Variants in RBPMS observed in about 807,000 individuals in gnomAD.
RBPMS encodes RNA binding protein, mRNA processing factor.
A neutral mutation model predicts 26.8 loss-of-function variants in RBPMS; 7 were observed. The observed-to-expected ratio is 0.26, with a 90% CI of 0.15 to 0.49. RBPMS has a LOEUF of 0.49. RBPMS is among the 20% of genes least tolerant of loss of function. The pLI is 0.98. For synonymous variants in RBPMS, 96 were observed against 93.3 expected, an observed-to-expected ratio of 1.03 and a Z score of -0.17; for missense variants, 186 against 250.0, an observed-to-expected ratio of 0.74 and a Z score of 1.73.
At chr8:30,532,863 C>T (rs1824381345) in intron 5 of RBPMS, among the ~76,000 whole-genome samples, 1 of 151,978 alleles carries the variant, frequency 6.6e-6, no homozygotes, top group Non-Finnish European at 1.5e-5. Flanking sequence ...CATTCCGCTA[C>T]CCACTCCCAC....
chr8:30,550,001 T>C (rs1826227149), intron 6 of RBPMS, among the ~76,000 whole-genome samples: 1 of 151,682 alleles, frequency 6.6e-6, no homozygotes, highest in Admixed American at 6.6e-5. Context: ...CAGGCGCCTG[T>C]CACCACGCCT....
chr8:30,544,787 G>C (rs1825733000), intron 6 of RBPMS, 163 bp downstream of exon 6: 1 of 1,580,734 alleles, frequency 6.3e-7, no homozygotes, highest in Non-Finnish European at 8.6e-7. Context: ...CTTCAGGACT[G>C]ACGAGGATCG....
At chr8:30,568,662 A>C (rs1828059701) in intron 8 of RBPMS, among the ~76,000 whole-genome samples, 2 of 152,164 alleles carry the variant, frequency 1.3e-5, no homozygotes, top group Admixed American at 6.5e-5. Context: ...ACCTGCTCCT[A>C]ATCAGAGCCT....
chr8:30,393,391 G>A (rs1191894811), intron 1 of RBPMS, among the ~76,000 whole-genome samples: 1 of 132,878 alleles, frequency 7.5e-6, no homozygotes, highest in African/African-American at 2.5e-5. Flanking sequence ...CTGGAGAGGC[G>A]TGAGTTTTTT....
chr8:30,463,157 C>A (rs1432436302), intron 1 of RBPMS, among the ~76,000 whole-genome samples: 1 of 152,182 alleles, frequency 6.6e-6, no homozygotes, highest in African/African-American at 2.4e-5. Context: ...TAATAGATAA[C>A]ATTTTTCTGA....
At chr8:30,418,090 TTTAATA>T (rs1318506757) in intron 1 of RBPMS, among the ~76,000 whole-genome samples, 1 of 152,212 alleles carries the variant, frequency 6.6e-6, no homozygotes, top group African/African-American at 2.4e-5. Flanking sequence ...CTAGAACTTG[TTTAATA>T]TTGAGATTCC....
At chr8:30,434,262 G>A (rs1268872329) in intron 1 of RBPMS, among the ~76,000 whole-genome samples, 1 of 152,086 alleles carries the variant, frequency 6.6e-6, no homozygotes, top group Non-Finnish European at 1.5e-5. Flanking sequence ...TTGATATTAG[G>A]TCCAGTACTG....
chr8:30,536,010 G>C (rs781415404), intron 5 of RBPMS, among the ~76,000 whole-genome samples: 3 of 152,068 alleles, frequency 2.0e-5, no homozygotes, highest in Non-Finnish European at 4.4e-5. Context: ...AATAATGAAT[G>C]AATGAATGTC....
chr8:30,483,595 T>A (rs1364778967), intron 4 of RBPMS, among the ~76,000 whole-genome samples: 1 of 152,126 alleles, frequency 6.6e-6, no homozygotes, highest in African/African-American at 2.4e-5. Context: ...TTATTTTTTT[T>A]AATTACGGTA....
At chr8:30,552,325 A>G (rs925407300) in intron 6 of RBPMS, 6 of 152,360 alleles carry the variant, frequency 3.9e-5, no homozygotes, top group Admixed American at 2.6e-4. Context: ...TATAAAATGT[A>G]GCCTTCATAA....
intron 1 of RBPMS, among the ~76,000 whole-genome samples, chr8:30,446,160 T>G (rs1813739578): frequency 6.6e-6 from 1 of 152,248 alleles, no homozygotes; most frequent in Non-Finnish European, 1.5e-5. Context: ...GTCTGGGATA[T>G]TAACTTTAAA....
intron 5 of RBPMS, among the ~76,000 whole-genome samples, chr8:30,533,858 G>T (rs923044640): frequency 4.6e-5 from 7 of 152,152 alleles, no homozygotes; most frequent in Non-Finnish European, 7.3e-5. Flanking sequence ...TTTTGGCCAG[G>T]CATGGTGGCT....
At chr8:30,447,964 A>G (rs1443063285) in intron 1 of RBPMS, among the ~76,000 whole-genome samples, 1 of 152,228 alleles carries the variant, frequency 6.6e-6, no homozygotes. Context: ...AGATTTCTAA[A>G]AGCCTCTTAG....
At chr8:30,431,957 C>T (rs1811984122) in intron 1 of RBPMS, among the ~76,000 whole-genome samples, 1 of 151,114 alleles carries the variant, frequency 6.6e-6, no homozygotes, top group Non-Finnish European at 1.5e-5. Flanking sequence ...CCTGTCTTTA[C>T]AAAAACATTA....
chr8:30,569,521 T>C (rs1240533788), intron 8 of RBPMS, among the ~76,000 whole-genome samples: 2 of 152,202 alleles, frequency 1.3e-5, no homozygotes, highest in African/African-American at 4.8e-5. Context: ...CGGCACGCTC[T>C]GCTGAAAGTA....
chr8:30,434,776 AACACACACACACAC>A (rs33991199), intron 1 of RBPMS, among the ~76,000 whole-genome samples: 1 of 147,428 alleles, frequency 6.8e-6, no homozygotes, highest in Non-Finnish European at 1.5e-5. Context: ...ATTCCCATAT[AACACACACACACAC>A]ACACACACAC....
intron 1 of RBPMS, among the ~76,000 whole-genome samples, chr8:30,462,707 G>T (rs927809993): frequency 2.0e-5 from 3 of 152,138 alleles, no homozygotes; most frequent in Non-Finnish European, 2.9e-5. Flanking sequence ...GATCACAGAC[G>T]TGAGCCACTG....
chr8:30,546,992 A>G (rs187114775), intron 6 of RBPMS, among the ~76,000 whole-genome samples: 2 of 152,324 alleles, frequency 1.3e-5, no homozygotes, highest in Admixed American at 6.5e-5. Context: ...AATTTTGGAA[A>G]GGCCTCACTC....
At chr8:30,555,353 T>A (rs1357469604) in intron 6 of RBPMS, among the ~76,000 whole-genome samples, 1 of 152,244 alleles carries the variant, frequency 6.6e-6, no homozygotes, top group Non-Finnish European at 1.5e-5. Context: ...CCACTATTGT[T>A]AAGTTCTAGT....
Sources: allele counts gnomAD v4.1 joint callset (sites outside exome capture counted in the v4.1 genomes callset), GRCh38; gene constraint gnomAD v4.1.1; transcripts MANE v1.5; gene names NCBI Gene and HGNC (gene_info 2026-07-23, HGNC 2026-07-21).